Variants in CNOT4 observed in about 807,000 individuals in gnomAD.
The protein encoded by CNOT4 is CCR4-NOT transcription complex subunit 4.
A neutral mutation model predicts 73.8 loss-of-function variants in CNOT4; 8 were observed. That is an observed-to-expected ratio of 0.11 (90% CI 0.06 to 0.20). CNOT4 has a LOEUF of 0.20. Ranked by LOEUF, CNOT4 falls within the 10% of genes least tolerant of loss-of-function variation. The probability of loss-of-function intolerance (pLI) is 1.00; values close to 1 mark genes in which losing one functional copy is unlikely to be tolerated. For synonymous variants in CNOT4, 293 were observed against 321.1 expected, an observed-to-expected ratio of 0.91 and a Z score of 0.94; for missense variants, 564 against 883.4, an observed-to-expected ratio of 0.64 and a Z score of 4.58.
Position 135,364,176 on chromosome 7 carries a change from AT to A in CNOT4, c.1628-111del. On this transcript the variant is annotated intron_variant, in intron 10 of 11. Transcript: ENST00000541284. The surrounding 1 kb of genome is among the most constrained non-coding windows in gnomAD (Gnocchi z 4.3). ...GCGGGAGAAGAATTATTCTTTCTTT[AT>A]TGAGCATTTAAAATGGGTTGTCCTA... The A allele has an allele frequency of 1.2e-6, 1 of 867,516 alleles. No homozygotes were observed. The highest frequency in any genetic ancestry group is 2.5e-5 in the East Asian group (1 of 40,012). The allele number at this position is 867,516 out of a possible 1,614,324, so 53.7% of individuals were successfully genotyped here. A position where few individuals can be genotyped will look rare whatever the true frequency, so the allele number is the denominator to read the frequency against.
rs1794789366 is a variant in CNOT4 at position 135,364,151 on chromosome 7, G to A, written c.1628-85C>T. On this transcript the variant is annotated intron_variant, in intron 10 of 11. Transcript: ENST00000541284. This position sits in a 1 kb window ranked among gnomAD's most constrained non-coding sequence, Gnocchi z 4.3. Reference sequence around the variant, plus strand: ...ACATATGTTGTTCTTTAGTGGTTAAGCGGGAGAAGAATTATTCTTTCTTTA... The same window carrying A: ...ACATATGTTGTTCTTTAGTGGTTAAACGGGAGAAGAATTATTCTTTCTTTA... The A allele has an allele frequency of 1.0e-6, 1 of 972,582 alleles. No individual in the cohort carries two copies. Among genetic ancestry groups the A allele is most frequent in the South Asian group, 1.6e-5 (1 of 62,678 alleles). The allele number at this position is 972,582 out of a possible 1,614,324, so 60.2% of individuals were successfully genotyped here.
chr7:135,422,085 T>C, intron 3 of CNOT4, 71 bp downstream of exon 3: 1 of 875,344 alleles, frequency 1.1e-6, no homozygotes, highest in Non-Finnish European at 1.9e-6. Context: ...TTGAGCAGGG[T>C]CAAATATTAT....
chr7:135,475,632 G>T (rs191836277), intron 1 of CNOT4, among the ~76,000 whole-genome samples: 2 of 152,074 alleles, frequency 1.3e-5, no homozygotes, highest in Non-Finnish European at 2.9e-5. Context: ...AAAATGGGTC[G>T]GGCAAGGTGG....
At chr7:135,494,240 C>A (rs1033216095) in intron 1 of CNOT4, among the ~76,000 whole-genome samples, 4 of 151,852 alleles carry the variant, frequency 2.6e-5, no homozygotes, top group Non-Finnish European at 5.9e-5. Flanking sequence ...GAGGCCAAGG[C>A]GGGCAGATCA....
intron 1 of CNOT4, among the ~76,000 whole-genome samples, chr7:135,470,752 T>C (rs1187620788): frequency 6.6e-6 from 1 of 152,178 alleles, no homozygotes; most frequent in Admixed American, 6.5e-5. Flanking sequence ...AATTATGCCA[T>C]TTATATAAAA....
At chr7:135,404,031 C>G (rs781585742) in intron 7 of CNOT4, among the ~76,000 whole-genome samples, 1 of 152,156 alleles carries the variant, frequency 6.6e-6, no homozygotes, top group Non-Finnish European at 1.5e-5. Context: ...CCCTCTGGAA[C>G]AAATACTTTA....
intron 1 of CNOT4, among the ~76,000 whole-genome samples, chr7:135,492,842 A>G (rs1381724832): frequency 6.6e-6 from 1 of 152,218 alleles, no homozygotes; most frequent in Non-Finnish European, 1.5e-5. Context: ...TAAGATCATT[A>G]AAGAAGACAT....
At chr7:135,461,811 G>A (rs538761953) in intron 1 of CNOT4, among the ~76,000 whole-genome samples, 5 of 152,148 alleles carry the variant, frequency 3.3e-5, no homozygotes, top group South Asian at 4.2e-4. Context: ...CAGCCTGGGC[G>A]ACAGAGCGAG....
At chr7:135,502,816 CAAAAAAAA>C (rs56358299) in intron 1 of CNOT4, among the ~76,000 whole-genome samples, 3 of 59,162 alleles carry the variant, frequency 5.1e-5, no homozygotes, top group African/African-American at 1.4e-4. Flanking sequence ...AACTCCATCT[CAAAAAAAA>C]AAAAAAAAAA....
intron 1 of CNOT4, among the ~76,000 whole-genome samples, chr7:135,471,974 A>ACC (rs1446740504): frequency 6.6e-6 from 1 of 151,286 alleles, no homozygotes. Flanking sequence ...GGAGTTCCAG[A>ACC]CCTGCCTGGG....
chr7:135,394,497 A>C, intron 9 of CNOT4, 82 bp from the exon 10 acceptor site: 2 of 1,168,970 alleles, frequency 1.7e-6, no homozygotes, highest in Non-Finnish European at 2.4e-6. Context: ...ACTGAAAGTT[A>C]AACATGTCAT....
chr7:135,484,321 C>T (rs565333315), intron 1 of CNOT4, among the ~76,000 whole-genome samples: 1 of 152,044 alleles, frequency 6.6e-6, no homozygotes, highest in Non-Finnish European at 1.5e-5. Flanking sequence ...CCAGCCAGCA[C>T]AAGAAAATAA....
chr7:135,474,384 G>A (rs532869049), intron 1 of CNOT4, among the ~76,000 whole-genome samples: 10 of 143,854 alleles, frequency 7.0e-5, no homozygotes, highest in Admixed American at 2.1e-4. Context: ...TCCTGGGTTC[G>A]AGCAATTCTC....
At chr7:135,496,879 T>C (rs1446453403) in intron 1 of CNOT4, among the ~76,000 whole-genome samples, 3 of 151,998 alleles carry the variant, frequency 2.0e-5, no homozygotes, top group Non-Finnish European at 4.4e-5. Context: ...CAATCACAGC[T>C]CACTGCAGCC....
At chr7:135,487,266 G>T (rs1017270259) in intron 1 of CNOT4, among the ~76,000 whole-genome samples, 3 of 151,256 alleles carry the variant, frequency 2.0e-5, no homozygotes, top group African/African-American at 7.3e-5. Flanking sequence ...TGGAGACAGG[G>T]TCTCCCTCTC....
At chr7:135,394,447 G>C (rs766628559) in intron 9 of CNOT4, 32 bp from the exon 10 acceptor site, 4 of 1,515,756 alleles carry the variant, frequency 2.6e-6, no homozygotes, top group Non-Finnish European at 3.6e-6. Flanking sequence ...ATGAATATCA[G>C]ATACATAGCT....
intron 4 of CNOT4, 40 bp downstream of exon 4, chr7:135,415,136 A>G: frequency 8.4e-7 from 1 of 1,197,068 alleles, no homozygotes; most frequent in Non-Finnish European, 1.2e-6. Flanking sequence ...TCAAGCCCAG[A>G]CCATAGGGAG....
intron 8 of CNOT4, among the ~76,000 whole-genome samples, chr7:135,396,412 C>T (rs757386399): frequency 1.1e-4 from 17 of 152,058 alleles, no homozygotes; most frequent in Non-Finnish European, 2.4e-4. Flanking sequence ...CCACCGTGCC[C>T]GGCCATCTCC....
At position 135,370,052 on chromosome 7, in the gene CNOT4, C is replaced by T. The variant is rs191455073; in HGVS notation, c.1628-5986G>A. ...TTCTTAGTAAATGAATTGTTACAGA[C>T]ATTATAAAATCAGTTTATGAAAAAT... On this transcript the variant is annotated intron_variant, in intron 10 of 11. Transcript: ENST00000541284. 6.4e-3 allele frequency among the ~76,000 whole-genome samples: 968 copies of T among 152,228 alleles called. 6 individuals carry two copies. Among genetic ancestry groups the T allele is most frequent in the Non-Finnish European group, 1.0e-2 (677 of 68,012 alleles).
Sources: gnomAD v4.1 joint callset for allele counts (sites outside exome capture counted in the v4.1 genomes callset) on GRCh38, gnomAD v4.1.1 for gene constraint, Gnocchi (gnomAD v3.1) non-coding constraint, MANE v1.5 for transcripts, NCBI Gene and HGNC (gene_info 2026-07-23, HGNC 2026-07-21) for gene names.